Variants in ZNF423 observed in about 807,000 individuals in gnomAD.
The protein encoded by ZNF423 is zinc finger protein 423.
In ZNF423, 12 loss-of-function variants were observed where a neutral mutation model predicts 95.8. That is an observed-to-expected ratio of 0.13 (90% CI 0.08 to 0.20). The LOEUF (loss-of-function observed/expected upper bound fraction) is 0.20, where lower values mean the gene tolerates loss of function less well. Ranked by LOEUF, ZNF423 falls within the 10% of genes least tolerant of loss-of-function variation. ZNF423 has a pLI of 1.00. For missense variants in ZNF423, 1,316 were observed against 1,737.1 expected, an observed-to-expected ratio of 0.76 and a Z score of 4.31; for synonymous variants, 749 against 711.9, an observed-to-expected ratio of 1.05 and a Z score of -0.83.
intron 5 of ZNF423, among the ~76,000 whole-genome samples, chr16:49,556,417 T>G (rs572076388): frequency 6.6e-6 from 1 of 152,222 alleles, no homozygotes; most frequent in Non-Finnish European, 1.5e-5. Context: ...GTCTCTCACA[T>G]TGATTTGCTA....
chr16:49,808,865 A>G (rs575693689), intron 1 of ZNF423, among the ~76,000 whole-genome samples: 1 of 152,298 alleles, frequency 6.6e-6, no homozygotes, highest in East Asian at 1.9e-4. Context: ...TACGCACACC[A>G]GACAGGGCCA....
At chr16:49,568,942 C>G (rs1970276688) in intron 5 of ZNF423, among the ~76,000 whole-genome samples, 1 of 152,104 alleles carries the variant, frequency 6.6e-6, no homozygotes, top group Admixed American at 6.5e-5. Context: ...CTCTTCATGT[C>G]TCTACTGTGT....
intron 1 of ZNF423, chr16:49,854,193 T>C (rs540279176): frequency 7.1e-6 from 7 of 985,370 alleles, no homozygotes; most frequent in African/African-American, 3.5e-5. Context: ...CTGTCCCGGA[T>C]TGGGAGACCA....
chr16:49,566,472 G>A (rs577872360), intron 5 of ZNF423, among the ~76,000 whole-genome samples: 26 of 152,278 alleles, frequency 1.7e-4, no homozygotes, highest in African/African-American at 6.3e-4. Flanking sequence ...GGCTATGAAA[G>A]ACTCCATGGC....
chr16:49,644,395 C>T (rs887577686), intron 3 of ZNF423, among the ~76,000 whole-genome samples: 2 of 151,762 alleles, frequency 1.3e-5, no homozygotes, highest in Non-Finnish European at 2.9e-5. Flanking sequence ...TGGCTCATGC[C>T]TGTAATCCCT....
chr16:49,689,091 C>T (rs1188702007), intron 3 of ZNF423, among the ~76,000 whole-genome samples: 3 of 152,088 alleles, frequency 2.0e-5, no homozygotes, highest in East Asian at 3.9e-4. Flanking sequence ...TTTGTTCCTA[C>T]TGATGTGTTG....
At chr16:49,601,626 TA>T (rs1467171487) in intron 5 of ZNF423, among the ~76,000 whole-genome samples, 1 of 152,122 alleles carries the variant, frequency 6.6e-6, no homozygotes. Context: ...CTCGTTCACA[TA>T]AAAGGCAGCC....
intron 2 of ZNF423, among the ~76,000 whole-genome samples, chr16:49,773,250 C>T (rs1440940450): frequency 1.3e-5 from 2 of 151,834 alleles, no homozygotes; most frequent in Admixed American, 6.6e-5. Flanking sequence ...ACCCAGGAGG[C>T]GAAAATTGCA....
rs1968562149 is a variant in ZNF423, at chr16:49,525,355, T to C, written c.3733+8A>G. On this transcript the variant is annotated splice_region_variant and intron_variant, in intron 6 of 7. Transcript: ENST00000563137. ...TCTCCCCTGAGGGGCACAAGCTGGGTACCTTACCTGTGAAACACACGGGGC... is the reference window on the plus strand; with the variant it reads ...TCTCCCCTGAGGGGCACAAGCTGGGCACCTTACCTGTGAAACACACGGGGC... 2 of 1,613,908 alleles carry C rather than the reference T, an allele frequency of 1.2e-6. No homozygotes were observed. The highest frequency in any genetic ancestry group is 3.3e-5 in the Admixed American group (2 of 60,004).
intron 1 of ZNF423, among the ~76,000 whole-genome samples, chr16:49,822,366 G>C (rs1468170089): frequency 3.9e-5 from 6 of 151,998 alleles, no homozygotes; most frequent in Non-Finnish European, 7.4e-5. Context: ...TAGAGACAGG[G>C]AGTCATCATG....
At chr16:49,506,402 G>C (rs1176953660) in intron 7 of ZNF423, among the ~76,000 whole-genome samples, 8 of 152,100 alleles carry the variant, frequency 5.3e-5, no homozygotes, top group Admixed American at 5.2e-4. Context: ...TTGGTGAGTG[G>C]GTGGATGGGT....
chr16:49,667,746 T>C (rs955230307), intron 3 of ZNF423, among the ~76,000 whole-genome samples: 2 of 152,094 alleles, frequency 1.3e-5, no homozygotes, highest in African/African-American at 4.8e-5. Flanking sequence ...TTTAGCCAGG[T>C]GTGGTGGTGC....
intron 2 of ZNF423, among the ~76,000 whole-genome samples, chr16:49,770,807 G>A (rs1255106762): frequency 3.9e-5 from 6 of 152,212 alleles, no homozygotes; most frequent in African/African-American, 9.6e-5. Context: ...CTGCCCCAGT[G>A]AAGCCTCTGT....
At chr16:49,540,759 T>C (rs1177938216) in intron 5 of ZNF423, among the ~76,000 whole-genome samples, 1 of 152,124 alleles carries the variant, frequency 6.6e-6, no homozygotes, top group Non-Finnish European at 1.5e-5. Context: ...ACAGACTGTG[T>C]CTCCAATCCA....
At chr16:49,820,870 T>C (rs888203600) in intron 1 of ZNF423, among the ~76,000 whole-genome samples, 1 of 152,250 alleles carries the variant, frequency 6.6e-6, no homozygotes, top group Non-Finnish European at 1.5e-5. Flanking sequence ...TAAGACTTGA[T>C]CCCCACAATT....
rs1259611652 is a variant in ZNF423 at position 49,491,240 on chromosome 16, G to A, written c.*35C>T. 2 of 1,613,910 alleles carry A rather than the reference G, an allele frequency of 1.2e-6. No individual in the cohort carries two copies. Among genetic ancestry groups the A allele is most frequent in the Non-Finnish European group, 1.7e-6 (2 of 1,179,864 alleles). On this transcript the variant is annotated 3_prime_UTR_variant, in exon 8 of 8. Transcript: ENST00000563137. ...GCCCTCCCCACGGCGTCTCCGGCAA[G>A]CCTTCTGCGGAGAGGTGTCCTGTTG...
intron 5 of ZNF423, among the ~76,000 whole-genome samples, chr16:49,588,597 C>CT (rs1425114905): frequency 6.6e-6 from 1 of 152,218 alleles, no homozygotes; most frequent in African/African-American, 2.4e-5. Context: ...CTATTCCATC[C>CT]TCTACATTCT....
chr16:49,755,896 G>A (rs1388816018), intron 2 of ZNF423, among the ~76,000 whole-genome samples: 9 of 152,136 alleles, frequency 5.9e-5, no homozygotes, highest in African/African-American at 2.2e-4. Flanking sequence ...CCTGCCACCC[G>A]AAGACCCTGT....
chr16:49,499,738 C>T (rs1207304236), intron 7 of ZNF423, among the ~76,000 whole-genome samples: 1 of 152,092 alleles, frequency 6.6e-6, no homozygotes, highest in Non-Finnish European at 1.5e-5. Flanking sequence ...ACTCTTCCCT[C>T]GCATGAAAAC....
Sources: gnomAD v4.1 joint callset for allele counts (sites outside exome capture counted in the v4.1 genomes callset) on GRCh38, gnomAD v4.1.1 for gene constraint, MANE v1.5 for transcripts, NCBI Gene and HGNC (gene_info 2026-07-23, HGNC 2026-07-21) for gene names.